GOLGA4: variants seen among roughly 807,000 people sequenced by gnomAD.
GOLGA4 encodes golgin A4.
In GOLGA4, 169 loss-of-function variants were observed where a neutral mutation model predicts 265.9. The ratio of observed to expected loss-of-function variants is 0.64; its 90% CI spans 0.56 to 0.72. GOLGA4 has a LOEUF of 0.72. Among genes scored for constraint, GOLGA4 ranks in the 30% least tolerant of loss-of-function variants. The pLI, the probability that GOLGA4 is intolerant of heterozygous loss-of-function variation, is 0.00. For synonymous variants in GOLGA4, 923 were observed against 855.8 expected (o/e 1.08, Z -1.37); for missense variants, 2,482 against 2,483.4 (o/e 1.00, Z 0.01).
chr3:37,332,132 C>T (rs1195733756), intron 16 of GOLGA4, among the ~76,000 whole-genome samples: 1 of 152,154 alleles, frequency 6.6e-6, no homozygotes, highest in Non-Finnish European at 1.5e-5. Context: ...TATTACTTCT[C>T]CTCCTAAATA....
rs921657309 is a variant in GOLGA4, at chr3:37,354,654, C to A, written c.6577-447C>A. Among the ~76,000 whole-genome samples the A allele has an allele frequency of 4.6e-5, 7 of 151,964 alleles. 1 individual carries two copies. The highest frequency in any genetic ancestry group is 1.7e-4 in the African/African-American group (7 of 41,366). The stretch of plus-strand genomic sequence containing the variant: ...TTGAAAAATACCTACTGAGCATGTT[C>A]ATGTTCATGCAGTAGCCGTGTTTAT... On this transcript the variant is annotated intron_variant, in intron 21 of 23. Transcript: ENST00000361924.
At chr3:37,258,006 CATACATATATATATGTATGTATATATGT>C (rs2096756576) in intron 2 of GOLGA4, among the ~76,000 whole-genome samples, 1 of 58,968 alleles carries the variant, frequency 1.7e-5, no homozygotes, top group South Asian at 3.7e-4. Context: ...TGTATATATA[CATACATATATATATGTATGTATATATGT>C]ATATATACAT....
chr3:37,290,674 T>C (rs1428493954), intron 5 of GOLGA4, among the ~76,000 whole-genome samples: 3 of 152,308 alleles, frequency 2.0e-5, no homozygotes, highest in Non-Finnish European at 2.9e-5. Context: ...TTGGAAGTTA[T>C]AGAGAAGGAA....
chr3:37,303,742 A>G (rs2096899080), intron 10 of GOLGA4, among the ~76,000 whole-genome samples: 1 of 152,158 alleles, frequency 6.6e-6, no homozygotes, highest in Non-Finnish European at 1.5e-5. Flanking sequence ...CATAGTGGTA[A>G]CAGCAGCAGC....
At chr3:37,321,950 CTCTAG>C in intron 13 of GOLGA4, 64 bp downstream of exon 13, 1 of 1,326,308 alleles carries the variant, frequency 7.5e-7, no homozygotes. Flanking sequence ...AATTTGTTGT[CTCTAG>C]TCAGTATAAA....
At chr3:37,353,270 CAT>C (rs374167414) in intron 21 of GOLGA4, among the ~76,000 whole-genome samples, 150 of 152,148 alleles carry the variant, frequency 9.9e-4, no homozygotes, top group African/African-American at 3.5e-3. Flanking sequence ...AAAGTGATCA[CAT>C]GTTAGAAAAA....
At chr3:37,362,524 G>GCCA (rs539995588) in intron 23 of GOLGA4, among the ~76,000 whole-genome samples, 5,766 of 151,402 alleles carry the variant, frequency 0.038, 139 homozygotes, top group African/African-American at 0.056. Context: ...ACAGGCGTGA[G>GCCA]CCGCGCCCGG....
At chr3:37,314,411 TG>T (rs1313276863) in intron 10 of GOLGA4, among the ~76,000 whole-genome samples, 1 of 151,834 alleles carries the variant, frequency 6.6e-6, no homozygotes, top group African/African-American at 2.4e-5. Flanking sequence ...GAGGACAAGG[TG>T]GGTGGATCAC....
rs370927303 is a variant in GOLGA4 at position 37,337,264 on chromosome 3, A to G, written c.6327+101A>G. ...GCCCAGGCTGGAGTGCAGTGATGCAATCTTGGCTCACTGCAACCTCTGCCT... is the reference window on the plus strand; with the variant it reads ...GCCCAGGCTGGAGTGCAGTGATGCAGTCTTGGCTCACTGCAACCTCTGCCT... On this transcript the variant is annotated intron_variant, in intron 18 of 23. Coordinates refer to ENST00000361924, the MANE Select transcript of GOLGA4 (RefSeq NM_002078.5). 170 of 680,394 alleles carry G rather than the reference A, an allele frequency of 2.5e-4. 1 individual carries two copies. Among genetic ancestry groups the G allele is most frequent in the South Asian group, 9.1e-4 (52 of 57,274 alleles). 42.1% of individuals were successfully genotyped at this position (680,394 alleles called of 1,614,324 possible).
Position 37,361,293 on chromosome 3 carries a change from T to C in GOLGA4, c.*21T>C, listed in dbSNP as rs77152934. 794 of 1,610,994 alleles carry C rather than the reference T, an allele frequency of 4.9e-4. 5 individuals carry two copies. The African/African-American group carries it at 9.4e-3, about 19-fold the overall frequency. On this transcript the variant is annotated 3_prime_UTR_variant, in exon 23 of 24. Coordinates refer to ENST00000361924, the MANE Select transcript of GOLGA4 (RefSeq NM_002078.5). Reference sequence around the variant, plus strand: ...TCTGAGTAAACCATCAGTCTGTGCTTAGTTAACATGTGGTGAGTGAAGAAC... The same window carrying C: ...TCTGAGTAAACCATCAGTCTGTGCTCAGTTAACATGTGGTGAGTGAAGAAC...
At chr3:37,339,344 A>G (rs1221172800) in intron 19 of GOLGA4, among the ~76,000 whole-genome samples, 2 of 152,216 alleles carry the variant, frequency 1.3e-5, no homozygotes, top group Non-Finnish European at 2.9e-5. Context: ...TATAGTGAAC[A>G]GTGCTACTAA....
At chr3:37,287,295 C>A (rs141623021) in intron 4 of GOLGA4, among the ~76,000 whole-genome samples, 45 of 152,280 alleles carry the variant, frequency 3.0e-4, no homozygotes, top group African/African-American at 1.1e-3. Flanking sequence ...AAGCCAAGAT[C>A]GTGCCATTGC....
At chr3:37,292,790 A>G (rs905823406) in intron 5 of GOLGA4, among the ~76,000 whole-genome samples, 30 of 152,224 alleles carry the variant, frequency 2.0e-4, no homozygotes, top group African/African-American at 7.2e-4. Flanking sequence ...AAATCTCTCC[A>G]CATTGGCTTT....
intron 3 of GOLGA4, among the ~76,000 whole-genome samples, chr3:37,285,786 A>G (rs1466429349): frequency 5.3e-5 from 8 of 152,230 alleles, no homozygotes; most frequent in South Asian, 2.1e-4. Flanking sequence ...TTAGAGGTGT[A>G]TCTCTAAGAT....
chr3:37,350,382 T>C (rs1238888128), intron 21 of GOLGA4, among the ~76,000 whole-genome samples: 3 of 152,136 alleles, frequency 2.0e-5, no homozygotes, highest in African/African-American at 7.2e-5. Flanking sequence ...CTATATTTTT[T>C]CCCCAAACAT....
At chr3:37,346,227 A>G (rs1480257794) in intron 20 of GOLGA4, among the ~76,000 whole-genome samples, 1 of 152,164 alleles carries the variant, frequency 6.6e-6, no homozygotes, top group South Asian at 2.1e-4. Flanking sequence ...TATGGAGGCT[A>G]TTTAACACCT....
At chr3:37,250,479 G>A (rs2096730895) in intron 1 of GOLGA4, 1 of 152,146 alleles carries the variant, frequency 6.6e-6, no homozygotes, top group African/African-American at 2.4e-5. Context: ...CGACCTCTCA[G>A]TTCCACCCTA....
intron 10 of GOLGA4, among the ~76,000 whole-genome samples, chr3:37,306,825 T>C (rs554586216): frequency 2.4e-4 from 37 of 152,248 alleles, no homozygotes; most frequent in Non-Finnish European, 4.1e-4. Context: ...CATTTCCTTA[T>C]TGTTTATCAT....
intron 21 of GOLGA4, among the ~76,000 whole-genome samples, chr3:37,351,995 A>G (rs1332592171): frequency 6.6e-6 from 1 of 152,176 alleles, no homozygotes; most frequent in South Asian, 2.1e-4. Flanking sequence ...CTCTCTAGCT[A>G]TGTAAGTCCT....
Sources: allele counts gnomAD v4.1 joint callset (sites outside exome capture counted in the v4.1 genomes callset), GRCh38; gene constraint gnomAD v4.1.1; transcripts MANE v1.5; gene names NCBI Gene and HGNC (gene_info 2026-07-23, HGNC 2026-07-21).